The following MIA2 variants were observed in gnomAD, a reference collection of about 807,000 sequenced individuals.
MIA2 encodes MIA SH3 domain ER export factor 2.
A neutral mutation model predicts 167.8 loss-of-function variants in MIA2; 127 were observed. The ratio of observed to expected loss-of-function variants is 0.76; its 90% confidence interval spans 0.66 to 0.88. The LOEUF (loss-of-function observed/expected upper bound fraction) is 0.88. MIA2 is among the 40% of genes least tolerant of loss of function. The pLI is 0.00. For missense variants in MIA2, 1,690 were observed against 1,624.7 expected (o/e 1.04, Z -0.69); for synonymous variants, 552 against 541.9 (o/e 1.02, Z -0.26).
At chr14:39,308,396 A>C in intron 17 of MIA2, 53 bp from the exon 18 acceptor site, 2 of 1,118,922 alleles carry the variant, frequency 1.8e-6, no homozygotes, top group Non-Finnish European at 2.5e-6. Context: ...TGAAATGTTA[A>C]TATGCAACTC....
At chr14:39,242,776 A>G (rs2054109908) in intron 3 of MIA2, among the ~76,000 whole-genome samples, 1 of 152,172 alleles carries the variant, frequency 6.6e-6, no homozygotes, top group Non-Finnish European at 1.5e-5. Flanking sequence ...TTTGCATCCA[A>G]GAAGTTTGCT....
At chr14:39,318,506 A>G (rs1398787579) in intron 22 of MIA2, among the ~76,000 whole-genome samples, 1 of 152,182 alleles carries the variant, frequency 6.6e-6, no homozygotes, top group South Asian at 2.1e-4. Flanking sequence ...TGTGAAGATG[A>G]TAACAGTCTT....
intron 4 of MIA2, among the ~76,000 whole-genome samples, chr14:39,248,913 A>AT (rs902492417): frequency 2.0e-5 from 3 of 151,726 alleles, no homozygotes; most frequent in Admixed American, 2.0e-4. Context: ...TAATTTTTGT[A>AT]TTTTTTGTAG....
chr14:39,386,368 ACT>A (rs2075272819), intron 23 of MIA2: 21 of 1,544,092 alleles, frequency 1.4e-5, no homozygotes, highest in South Asian at 8.9e-5. Flanking sequence ...AGGAACTGGG[ACT>A]CTCTTTTGAG....
chr14:39,266,655 G>T, intron 6 of MIA2: 1 of 985,628 alleles, frequency 1.0e-6, no homozygotes, highest in Non-Finnish European at 1.2e-6. Flanking sequence ...GGGCGCACCG[G>T]CGCGTGCCCC....
intron 25 of MIA2, among the ~76,000 whole-genome samples, chr14:39,334,202 T>C (rs2069703432): frequency 6.6e-6 from 1 of 152,164 alleles, no homozygotes; most frequent in African/African-American, 2.4e-5. Flanking sequence ...AGGCCGGGTG[T>C]GGTGGCTCAT....
chr14:39,314,679 A>C, intron 19 of MIA2, 60 bp from the exon 20 acceptor site: 4 of 1,053,702 alleles, frequency 3.8e-6, no homozygotes, highest in Non-Finnish European at 5.4e-6. Flanking sequence ...TTTAGTAGAG[A>C]GTATGTTCTG....
chr14:39,266,814 C>G (rs1468297450), intron 6 of MIA2: 1 of 240,128 alleles, frequency 4.2e-6, no homozygotes, highest in East Asian at 2.3e-4. Flanking sequence ...GGTGTCGGGG[C>G]TGGGCCTGGC....
At chr14:39,347,420 A>T in intron 26 of MIA2, 1 of 351,442 alleles carries the variant, frequency 2.8e-6, no homozygotes, top group South Asian at 4.1e-5. Context: ...GAGGAGGAAA[A>T]GAAGGAAGGA....
chr14:39,359,253 G>A (rs953531376), intron 23 of MIA2, among the ~76,000 whole-genome samples: 5 of 152,276 alleles, frequency 3.3e-5, no homozygotes, highest in South Asian at 2.1e-4. Flanking sequence ...CAGCAATGGC[G>A]GGCACCCCTC....
chr14:39,385,476 A>G (rs1222961557), intron 23 of MIA2: 2 of 1,000,556 alleles, frequency 2.0e-6, no homozygotes, highest in African/African-American at 1.6e-5. Flanking sequence ...TCCAAAATAC[A>G]GTGATCTTGC....
In MIA2 at chr14:39,319,101, G is replaced by T. The variant is rs1258787073; in HGVS notation, c.3285-108G>T. 5 of 516,120 alleles carry T rather than the reference G, an allele frequency of 9.7e-6. No homozygotes were observed. The South Asian group carries it at 2.1e-4, about 22-fold the overall frequency. The allele number at this position is 516,120 out of a possible 1,614,324, so 32.0% of individuals were successfully genotyped here. Reference sequence around the variant, plus strand: ...TAATTTTAGAGGATCTGTTTGTTCTGTGTAGATATTAAAATAGTGAAGAGC... The same window carrying T: ...TAATTTTAGAGGATCTGTTTGTTCTTTGTAGATATTAAAATAGTGAAGAGC... On this transcript the variant is annotated intron_variant, in intron 22 of 28. Coordinates refer to ENST00000640607, the MANE Select transcript of MIA2 (RefSeq NM_001329214.4).
At position 39,294,949 on chromosome 14, in the gene MIA2, C is replaced by A. The variant is rs1409035001; in HGVS notation, c.2416C>A (p.Gln806Lys). The change falls in exon 13 of 29, where the codon CAA becomes AAA. Residue 806 changes from glutamine to lysine, a missense_variant. By Grantham distance (53) the Gln-to-Lys change is moderately conservative. Coordinates refer to ENST00000640607, the MANE Select transcript of MIA2 (RefSeq NM_001329214.4). ...AEAKMTFKIF[Q>K]MNEERLKIAI... ...GGCCAAAATGACCTTCAAGATATTT[C>A]AAATGAATGAAGAACGACTGAAGAT... The A allele has an allele frequency of 6.2e-7, 1 of 1,612,788 alleles. No individual in the cohort carries two copies. The highest frequency in any genetic ancestry group is 8.5e-7 in the Non-Finnish European group (1 of 1,179,412).
intron 6 of MIA2, among the ~76,000 whole-genome samples, chr14:39,271,933 C>T (rs954208586): frequency 1.3e-5 from 2 of 152,084 alleles, no homozygotes; most frequent in African/African-American, 4.8e-5. Flanking sequence ...CAGGAAAGTC[C>T]CCCTGTGTGG....
At chr14:39,338,394 CA>C (rs1313776628) in intron 25 of MIA2, among the ~76,000 whole-genome samples, 1 of 152,238 alleles carries the variant, frequency 6.6e-6, no homozygotes, top group South Asian at 2.1e-4. Context: ...ATATCATACA[CA>C]TACAGGGAAG....
intron 6 of MIA2, among the ~76,000 whole-genome samples, chr14:39,261,251 G>T (rs910711857): frequency 6.6e-6 from 1 of 151,796 alleles, no homozygotes; most frequent in Non-Finnish European, 1.5e-5. Context: ...TTGGTTTTTT[G>T]TTCTTGCGAT....
At chr14:39,357,418 C>T (rs1263950295) in intron 23 of MIA2, among the ~76,000 whole-genome samples, 1 of 152,138 alleles carries the variant, frequency 6.6e-6, no homozygotes, top group East Asian at 1.9e-4. Context: ...TATCTTCCTC[C>T]ATCCCTTTAT....
At chr14:39,291,159 T>C (rs1300932926) in intron 10 of MIA2, 63 bp downstream of exon 10, 1 of 1,386,258 alleles carries the variant, frequency 7.2e-7, no homozygotes, top group East Asian at 2.4e-5. Flanking sequence ...ACAAAAACTT[T>C]AAAAATGTAT....
At chr14:39,382,878 G>A (rs2075194719) in intron 23 of MIA2, among the ~76,000 whole-genome samples, 1 of 145,744 alleles carries the variant, frequency 6.9e-6, no homozygotes, top group Admixed American at 6.9e-5. Context: ...TTATAATTAG[G>A]TACAATAACA....
Sources: gnomAD v4.1 joint callset for allele counts (sites outside exome capture counted in the v4.1 genomes callset) on GRCh38, gnomAD v4.1.1 for gene constraint, MANE v1.5 for transcripts, NCBI Gene and HGNC (gene_info 2026-07-23, HGNC 2026-07-21) for gene names.